GPR161: variants seen among roughly 807,000 people sequenced by gnomAD.
The protein encoded by GPR161 is G-protein coupled receptor RE2.
In GPR161, 25 loss-of-function variants were observed where a neutral mutation model predicts 39.2. The ratio of observed to expected loss-of-function variants is 0.64; its 90% CI spans 0.47 to 0.89. GPR161 has a LOEUF of 0.89. GPR161 is among the 40% of genes least tolerant of loss of function. The pLI is 0.00. For missense variants in GPR161, 547 were observed against 677.8 expected (o/e 0.81, Z 2.14); for synonymous variants, 286 against 276.6 (o/e 1.03, Z -0.34).
At chr1:168,125,554 G>T (rs575266847) in intron 1 of GPR161, among the ~76,000 whole-genome samples, 2 of 151,892 alleles carry the variant, frequency 1.3e-5, no homozygotes, top group South Asian at 4.2e-4. Context: ...GACCGTAGGT[G>T]TCAGTGCAGA....
At chr1:168,089,109 G>T (rs1054084310) in intron 4 of GPR161, 1 of 152,128 alleles carries the variant, frequency 6.6e-6, no homozygotes, top group African/African-American at 2.4e-5. Context: ...ATGAACTGAA[G>T]CCTCCACAAC....
chr1:168,104,422 C>A, intron 2 of GPR161, 55 bp downstream of exon 2: 1 of 1,453,948 alleles, frequency 6.9e-7, no homozygotes, highest in Non-Finnish European at 9.5e-7. Flanking sequence ...GGACACTGCA[C>A]CAGATGAGCG....
At chr1:168,117,504 C>T (rs1038987407) in intron 1 of GPR161, among the ~76,000 whole-genome samples, 3 of 152,126 alleles carry the variant, frequency 2.0e-5, no homozygotes, top group African/African-American at 7.2e-5. Context: ...TACTTAACCC[C>T]CCCCTGCATC....
At chr1:168,116,645 G>T (rs1697657514) in intron 1 of GPR161, among the ~76,000 whole-genome samples, 1 of 152,208 alleles carries the variant, frequency 6.6e-6, no homozygotes. Context: ...ACAGCCAGGT[G>T]CAAAGGCTCC....
chr1:168,104,992 G>T, intron 1 of GPR161, 98 bp from the exon 2 acceptor site: 1 of 867,810 alleles, frequency 1.2e-6, no homozygotes, highest in Non-Finnish European at 1.8e-6. Context: ...TAAGTGCTAC[G>T]CCTCAGATCA....
chr1:168,085,705 G>A lies in GPR161; in HGVS notation c.1416C>T (p.Ala472=), dbSNP rs774108367. The A allele has an allele frequency of 1.1e-5, 18 of 1,614,064 alleles. No homozygotes were observed. The highest frequency in any genetic ancestry group is 2.2e-5 in the South Asian group (2 of 91,080). The stretch of plus-strand genomic sequence containing the variant: ...CCCCAAATAAGTTGATTTTGGCTTC[G>A]GCCTCAATGGCTTTGGCCAAGCTTG... ...YAASLAKAIE[A]EAKINLFGEE... Residue 472 remains alanine (A), a synonymous_variant, in exon 6 of 6, where the codon GCC becomes GCT. Coordinates refer to ENST00000682931, the MANE Select transcript of GPR161 (RefSeq NM_001375883.1).
In GPR161 at chr1:168,084,572, C is replaced by T. The variant is rs368641857; in HGVS notation, c.*959G>A. 8.4e-6 allele frequency: 3 copies of T among 356,206 alleles called. No individual in the cohort carries two copies. The highest frequency in any genetic ancestry group is 1.5e-4 in the East Asian group (2 of 13,462). 22.1% of individuals were successfully genotyped at this position (356,206 alleles called of 1,614,324 possible). ...AGGCTTGTGATAATAGTAACTGTTG[C>T]TCTTGGGAGTGTGCCATGCAGAACT... is the stretch of plus-strand genomic sequence containing the variant. On this transcript the variant is annotated 3_prime_UTR_variant, in exon 6 of 6. Transcript: ENST00000682931.
chr1:168,091,651 A>G (rs894826412), intron 3 of GPR161, among the ~76,000 whole-genome samples: 8 of 152,288 alleles, frequency 5.3e-5, no homozygotes, highest in Middle Eastern at 3.4e-3. Context: ...AGCGTGAAAG[A>G]CAGAGATGGG....
At chr1:168,117,608 A>G (rs1217037102) in intron 1 of GPR161, among the ~76,000 whole-genome samples, 1 of 152,230 alleles carries the variant, frequency 6.6e-6, no homozygotes, top group African/African-American at 2.4e-5. Context: ...CTGTGCTTAG[A>G]ACAGTGCTTA....
In GPR161 at chr1:168,085,812, G is replaced by GA. The variant is rs763533709; in HGVS notation, c.1325-17dup. 78 of 1,597,886 alleles carry GA rather than the reference G, an allele frequency of 4.9e-5. No individual in the cohort carries two copies. Among genetic ancestry groups the GA allele is most frequent in the South Asian group, 3.7e-4 (33 of 89,938 alleles). On this transcript the variant is annotated splice_polypyrimidine_tract_variant and intron_variant, in intron 5 of 5. Coordinates refer to ENST00000682931, the MANE Select transcript of GPR161 (RefSeq NM_001375883.1). Reference sequence around the variant, plus strand: ...TTGGCAGCTTCTGAGGGAGAAGGCAGAAAAAAAAGTCAGCTGAGGAGCCAG... The same window carrying GA: ...TTGGCAGCTTCTGAGGGAGAAGGCAGAAAAAAAAAGTCAGCTGAGGAGCCAG...
Position 168,091,586 on chromosome 1 carries a change from G to A in GPR161, c.1100-918C>T, listed in dbSNP as rs576857035. 4.6e-5 allele frequency among the ~76,000 whole-genome samples: 7 copies of A among 152,192 alleles called. No homozygotes were observed. The East Asian group carries it at 7.7e-4, about 17-fold the overall frequency. ...CTTCCCTGTGGTTTTCTAGGCCCTC[G>A]TTATTAGAGGTGAAGGGGTGCCCAA... On this transcript the variant is annotated intron_variant, in intron 3 of 5. Transcript: ENST00000682931.
intron 1 of GPR161, among the ~76,000 whole-genome samples, chr1:168,128,686 C>T (rs186290564): frequency 3.9e-4 from 59 of 152,334 alleles, no homozygotes; most frequent in East Asian, 1.2e-3. Context: ...ATAATGACTA[C>T]GTGAATTAGT....
At chr1:168,118,221 A>G (rs1697797710) in intron 1 of GPR161, among the ~76,000 whole-genome samples, 1 of 152,246 alleles carries the variant, frequency 6.6e-6, no homozygotes, top group South Asian at 2.1e-4. Context: ...TCGGGTGAAA[A>G]TATTCGCAAA....
At chr1:168,090,506 G>A in intron 4 of GPR161, 58 bp downstream of exon 4, 1 of 1,001,142 alleles carries the variant, frequency 1.0e-6, no homozygotes. Context: ...GCGACACGGG[G>A]GAAACGCAAC....
chr1:168,124,416 A>G (rs2102242870), intron 1 of GPR161, among the ~76,000 whole-genome samples: 1 of 152,356 alleles, frequency 6.6e-6, no homozygotes, highest in East Asian at 1.9e-4. Context: ...AAAATCTATC[A>G]CACATTTTTC....
chr1:168,137,231 C>A, upstream of GPR161: 1 of 1,472,682 alleles, frequency 6.8e-7, no homozygotes, highest in Admixed American at 2.3e-5. Context: ...TTCCCTGTTC[C>A]CGTTCCTCCG....
intron 1 of GPR161, among the ~76,000 whole-genome samples, chr1:168,131,544 G>C (rs1230198696): frequency 6.6e-6 from 1 of 152,018 alleles, no homozygotes; most frequent in Non-Finnish European, 1.5e-5. Flanking sequence ...ATTGGTTAAA[G>C]TGACAAGGAG....
At chr1:168,119,941 C>A (rs1698024654) in intron 1 of GPR161, among the ~76,000 whole-genome samples, 1 of 152,224 alleles carries the variant, frequency 6.6e-6, no homozygotes, top group South Asian at 2.1e-4. Context: ...AGGCAGAAGT[C>A]TGCTGCAGGG....
In GPR161 at chr1:168,084,099, G is replaced by A. The variant is rs1366780451; in HGVS notation, c.*1432C>T. ...ACTTCAACTGCTGTTCCAGCACAAA[G>A]GGAGGAGAAGAGAGGTTTAACCATC... On this transcript the variant is annotated 3_prime_UTR_variant, in exon 6 of 6. Coordinates refer to ENST00000682931, the MANE Select transcript of GPR161 (RefSeq NM_001375883.1). The A allele has an allele frequency of 6.5e-6, 1 of 153,722 alleles. No individual in the cohort carries two copies. The highest frequency in any genetic ancestry group is 2.4e-5 in the African/African-American group (1 of 41,454). 9.5% of individuals were successfully genotyped at this position (153,722 alleles called of 1,614,324 possible). A position where few individuals can be genotyped will look rare whatever the true frequency, so the allele number is the denominator to read the frequency against.
Sources: gnomAD v4.1 joint callset for allele counts (sites outside exome capture counted in the v4.1 genomes callset) on GRCh38, gnomAD v4.1.1 for gene constraint, MANE v1.5 for transcripts, NCBI Gene and HGNC (gene_info 2026-07-23, HGNC 2026-07-21) for gene names.